The following GRM5 variants were observed in gnomAD, a reference collection of about 807,000 sequenced individuals.
The protein encoded by GRM5 is glutamate metabotropic receptor 5.
Under a neutral mutation model 83.1 loss-of-function variants are expected in GRM5, and 19 were observed. That is an observed-to-expected ratio of 0.23 (90% CI 0.16 to 0.34). GRM5 has a LOEUF of 0.34. Ranked by LOEUF, GRM5 falls within the 10% of genes least tolerant of loss-of-function variation. GRM5 has a pLI of 1.00. For missense variants in GRM5, 1,160 were observed against 1,588.3 expected (o/e 0.73, Z 4.58); for synonymous variants, 675 against 633.6 (o/e 1.07, Z -0.98).
chr11:88,643,554 A>C (rs547546107), intron 4 of GRM5, among the ~76,000 whole-genome samples: 28 of 152,308 alleles, frequency 1.8e-4, no homozygotes, highest in African/African-American at 6.7e-4. Context: ...AATAATCCCC[A>C]AAAATGTAAC....
chr11:89,006,514 T>C (rs1190724429), intron 2 of GRM5, among the ~76,000 whole-genome samples: 2 of 152,080 alleles, frequency 1.3e-5, no homozygotes, highest in Admixed American at 6.6e-5. Flanking sequence ...ACATCCCCAC[T>C]TAAAAGCCCC....
rs1351015058 is a variant in GRM5 at position 88,664,867 on chromosome 11, C to G, written c.912-11464G>C. On this transcript the variant is annotated intron_variant, in intron 3 of 9. Coordinates refer to ENST00000305447, the MANE Select transcript of GRM5 (RefSeq NM_001143831.3). ...GCTATTATAAAAGTGACTTGAGCAA[C>G]CACGAATTTTAGAATCCACTGAGGG... 2.0e-5 allele frequency among the ~76,000 whole-genome samples: 3 copies of G among 152,120 alleles called. No individual in the cohort carries two copies. The East Asian group carries it at 5.8e-4, about 29-fold the overall frequency.
intron 5 of GRM5, among the ~76,000 whole-genome samples, chr11:88,600,229 C>G (rs909592145): frequency 2.0e-5 from 3 of 149,920 alleles, no homozygotes; most frequent in Non-Finnish European, 4.4e-5. Flanking sequence ...CTTCCTCAAT[C>G]CTCCTCCTCC....
At chr11:88,988,431 A>C (rs1230521611) in intron 2 of GRM5, among the ~76,000 whole-genome samples, 2 of 152,032 alleles carry the variant, frequency 1.3e-5, no homozygotes, top group Non-Finnish European at 2.9e-5. Flanking sequence ...GTTGGAAAAC[A>C]CTCTGCAGGA....
At chr11:88,978,423 T>G (rs1285989554) in intron 2 of GRM5, among the ~76,000 whole-genome samples, 1 of 137,890 alleles carries the variant, frequency 7.3e-6, no homozygotes, top group East Asian at 2.2e-4. Flanking sequence ...GAAGAAGAAT[T>G]GTCTTGGACC....
At chr11:88,943,724 G>T (rs1938187343) in intron 2 of GRM5, among the ~76,000 whole-genome samples, 1 of 151,652 alleles carries the variant, frequency 6.6e-6, no homozygotes, top group Non-Finnish European at 1.5e-5. Flanking sequence ...TAATAACATT[G>T]AATTTGCTTT....
chr11:89,024,133 T>C (rs868472075), intron 2 of GRM5, among the ~76,000 whole-genome samples: 9 of 152,080 alleles, frequency 5.9e-5, no homozygotes, highest in African/African-American at 2.2e-4. Flanking sequence ...GGACAATCAT[T>C]TGAACCTGGG....
At chr11:88,804,710 CAAAA>C (rs1223977116) in intron 3 of GRM5, among the ~76,000 whole-genome samples, 3 of 151,672 alleles carry the variant, frequency 2.0e-5, no homozygotes, top group African/African-American at 7.3e-5. Flanking sequence ...AATAAAAAAA[CAAAA>C]ACAAACAAAC....
chr11:88,509,488 C>T lies in GRM5; in HGVS notation c.2743G>A (p.Val915Ile), dbSNP rs767423028. 12 of 1,611,610 alleles carry T rather than the reference C, an allele frequency of 7.4e-6. No homozygotes were observed. In the East Asian group the frequency reaches 1.8e-4, roughly 24 times the overall value. The change falls in exon 10 of 10, where the codon GTC becomes ATC. Residue 915 changes from valine (V) to isoleucine (I), a missense_variant. Val to Ile is a conservative substitution (Grantham distance 29). Transcript: ENST00000305447. The part of the protein sequence containing the change: ...ATMSSSNGKS[V>I]TWAQNEKSSR... The stretch of plus-strand genomic sequence containing the variant: ...CTCTTCTCATTCTGGGCCCACGTGA[C>T]GGATTTTCCATTGGAACTGAGGAGA...
intron 3 of GRM5, among the ~76,000 whole-genome samples, chr11:88,715,171 AT>A (rs1437807569): frequency 2.0e-5 from 3 of 152,068 alleles, no homozygotes; most frequent in Non-Finnish European, 4.4e-5. Flanking sequence ...AGTGCTTAAA[AT>A]AGTACCTGTT....
intron 7 of GRM5, among the ~76,000 whole-genome samples, chr11:88,584,204 T>TCA (rs1296506236): frequency 1.5e-5 from 2 of 134,622 alleles, no homozygotes; most frequent in African/African-American, 6.0e-5. Flanking sequence ...ATGTTTCAAA[T>TCA]TACACACACA....
In GRM5 at chr11:88,944,533, G is replaced by A. The variant is rs144184248; in HGVS notation, c.662-94378C>T. Among the ~76,000 whole-genome samples, 1,025 of 151,500 alleles carry A rather than the reference G, an allele frequency of 6.8e-3. 13 individuals carry two copies. The highest frequency in any genetic ancestry group is 0.024 in the African/African-American group (976 of 41,318). The stretch of plus-strand genomic sequence containing the variant: ...TATGGCAAAATTACCTAAAACCTAC[G>A]TGCCTTTTTTTTCAAATTTCTGGTT... On this transcript the variant is annotated intron_variant, in intron 2 of 9. Transcript: ENST00000305447.
intron 9 of GRM5, among the ~76,000 whole-genome samples, chr11:88,517,767 A>G (rs1941561922): frequency 6.6e-6 from 1 of 152,168 alleles, no homozygotes; most frequent in Non-Finnish European, 1.5e-5. Flanking sequence ...ATTTTCCATT[A>G]GAAATGATTT....
chr11:88,602,563 G>C (rs981845817), intron 5 of GRM5, among the ~76,000 whole-genome samples: 1 of 152,176 alleles, frequency 6.6e-6, no homozygotes, highest in Non-Finnish European at 1.5e-5. Context: ...TGATCTGGCA[G>C]AATGCTTTTG....
At chr11:88,775,574 T>C in intron 3 of GRM5, among the ~76,000 whole-genome samples, 1 of 152,216 alleles carries the variant, frequency 6.6e-6, no homozygotes, top group Non-Finnish European at 1.5e-5. Flanking sequence ...CTTGTGGGCA[T>C]TTAGTGCTAT....
intron 2 of GRM5, among the ~76,000 whole-genome samples, chr11:88,958,079 A>G (rs1245396349): frequency 6.6e-6 from 1 of 151,894 alleles, no homozygotes; most frequent in East Asian, 1.9e-4. Context: ...AACTTCCAGG[A>G]CAACACTTTA....
At chr11:88,561,391 C>G (rs965323777) in intron 8 of GRM5, among the ~76,000 whole-genome samples, 6 of 152,104 alleles carry the variant, frequency 3.9e-5, no homozygotes, top group African/African-American at 1.4e-4. Context: ...ACTAGAATCC[C>G]AGGGGAGGGT....
intron 2 of GRM5, among the ~76,000 whole-genome samples, chr11:88,983,509 G>T (rs1449303247): frequency 6.6e-6 from 1 of 152,154 alleles, no homozygotes; most frequent in Non-Finnish European, 1.5e-5. Flanking sequence ...CTCATCACTG[G>T]TGTTTGTGGT....
In GRM5 at chr11:88,505,406, T is replaced by C. The variant is rs1941159060; in HGVS notation, c.*3186A>G. On this transcript the variant is annotated 3_prime_UTR_variant, in exon 10 of 10. Transcript: ENST00000305447. ...AACTGCAGCAGAGCTATTATACAAT[T>C]CATTTACAGTCAGAAATAGCTCCTA... 6.6e-6 allele frequency: 1 copy of C among 152,244 alleles called. No individual in the cohort carries two copies. The highest frequency in any genetic ancestry group is 1.5e-5 in the Non-Finnish European group (1 of 68,044). The allele number at this position is 152,244 out of a possible 1,614,324, so 9.4% of individuals were successfully genotyped here.
Sources: allele counts gnomAD v4.1 joint callset (sites outside exome capture counted in the v4.1 genomes callset), GRCh38; gene constraint gnomAD v4.1.1; transcripts MANE v1.5; gene names NCBI Gene and HGNC (gene_info 2026-07-23, HGNC 2026-07-21).